PPFIBP1: variants seen among roughly 807,000 people sequenced by gnomAD.
The protein encoded by PPFIBP1 is PPFIB scaffold protein 1.
In PPFIBP1, 112 loss-of-function variants were observed where a neutral mutation model predicts 137.8. The ratio of observed to expected loss-of-function variants is 0.81; its 90% confidence interval spans 0.70 to 0.95. The LOEUF (loss-of-function observed/expected upper bound fraction) is 0.95. PPFIBP1 is among the 40% of genes least tolerant of loss of function. The pLI is 0.00. For missense variants in PPFIBP1, 1,083 were observed against 1,196.6 expected, an observed-to-expected ratio of 0.91 and a Z score of 1.40; for synonymous variants, 378 against 417.3, an observed-to-expected ratio of 0.91 and a Z score of 1.15.
At position 27,646,104 on chromosome 12, in the gene PPFIBP1, A is replaced by G; in HGVS notation, c.313A>G (p.Arg105Gly). The G allele has an allele frequency of 6.2e-7, 1 of 1,612,360 alleles. No individual in the cohort carries two copies. The highest frequency in any genetic ancestry group is 8.5e-7 in the Non-Finnish European group (1 of 1,178,752). The change falls in exon 5 of 30, where the codon AGG becomes GGG. Residue 105 changes from arginine to glycine, a missense_variant. Arg to Gly is a moderately radical substitution (Grantham distance 125). Transcript: ENST00000228425. ...LPGNGDVYQE[R>G]LARLENDKES... ...AGGGAACGGAGATGTGTATCAAGAA[A>G]GGCTGGCACGTTTAGAAAATGATAA...
At chr12:27,673,318 A>G (rs2140218901) in intron 15 of PPFIBP1, among the ~76,000 whole-genome samples, 1 of 152,354 alleles carries the variant, frequency 6.6e-6, no homozygotes, top group East Asian at 1.9e-4. Flanking sequence ...CTATAAAATG[A>G]ATTGCTTTGC....
At chr12:27,597,570 T>TA (rs2053465125) in intron 2 of PPFIBP1, among the ~76,000 whole-genome samples, 1 of 152,176 alleles carries the variant, frequency 6.6e-6, no homozygotes, top group Non-Finnish European at 1.5e-5. Context: ...TCTGGGGGCC[T>TA]AAAAAACAAT....
In PPFIBP1 at chr12:27,681,565, G is replaced by T. The variant is rs773404068; in HGVS notation, c.1915G>T (p.Ala639Ser). ...QSNSDLDMPF[A>S]KWTKEQVCNW... The stretch of plus-strand genomic sequence containing the variant: ...CTGTAGTGACTTGGATATGCCATTT[G>T]CCAAGTGGACCAAGGAGCAGGTTTG... Residue 639 changes from alanine to serine, a missense_variant, in exon 22 of 30, where the codon GCC (alanine) becomes TCC (serine). By Grantham distance (99) the Ala-to-Ser change is moderately conservative (BLOSUM62 1). Coordinates refer to ENST00000228425, the MANE Select transcript of PPFIBP1 (RefSeq NM_003622.4). 1 of 1,614,046 alleles carries T rather than the reference G, an allele frequency of 6.2e-7. No individual in the cohort carries two copies.
In PPFIBP1 at chr12:27,676,374, G is replaced by A. The variant is rs1023650746; in HGVS notation, c.1411-54G>A. ...TGAGTATTTGCTGTTAGCCTGGCAT[G>A]TGCTGAGGATGCTGCACCTGAGAGC... On this transcript the variant is annotated intron_variant, in intron 17 of 29. Transcript: ENST00000228425. The A allele has an allele frequency of 4.4e-6, 6 of 1,354,080 alleles. No homozygotes were observed. The Admixed American group carries it at 1.1e-4, about 25-fold the overall frequency. The allele number at this position is 1,354,080 out of a possible 1,614,324, so 83.9% of individuals were successfully genotyped here.
intron 7 of PPFIBP1, chr12:27,654,273 A>T (rs1418140362): frequency 1.3e-5 from 2 of 152,280 alleles, no homozygotes; most frequent in South Asian, 2.1e-4. Context: ...GAAATTACAA[A>T]TTTTTTAAAA....
chr12:27,633,247 A>G, intron 2 of PPFIBP1, 115 bp from the exon 3 acceptor site: 2 of 684,600 alleles, frequency 2.9e-6, no homozygotes, highest in Non-Finnish European at 5.0e-6. Flanking sequence ...CCACTACTGA[A>G]GTTCTTCTTC....
chr12:27,593,660 A>G (rs2052811891), intron 2 of PPFIBP1: 1 of 534,412 alleles, frequency 1.9e-6, no homozygotes, highest in South Asian at 2.3e-5. Flanking sequence ...GTTTGCTGAC[A>G]GATAGTTTTG....
chr12:27,619,599 G>C (rs1206998459), intron 2 of PPFIBP1, among the ~76,000 whole-genome samples: 3 of 152,192 alleles, frequency 2.0e-5, no homozygotes, highest in African/African-American at 4.8e-5. Context: ...TGGGCAGTTA[G>C]TTGCCTCAGT....
intron 3 of PPFIBP1, among the ~76,000 whole-genome samples, chr12:27,634,338 G>A (rs60302028): frequency 0.049 from 7,487 of 152,020 alleles, 572 homozygotes; most frequent in Admixed American, 0.19. Flanking sequence ...GTTCGCATGT[G>A]TTTACCTTCC....
chr12:27,692,743 G>T, intron 29 of PPFIBP1, 53 bp from the exon 30 acceptor site: 2 of 1,613,960 alleles, frequency 1.2e-6, no homozygotes, highest in Non-Finnish European at 1.7e-6. Flanking sequence ...TGGAGAATGT[G>T]TAGCTCTGAG....
At chr12:27,552,805 G>A (rs529627269) in intron 1 of PPFIBP1, 4 of 152,342 alleles carry the variant, frequency 2.6e-5, no homozygotes, top group African/African-American at 4.8e-5. Flanking sequence ...GGACAAGTGG[G>A]CATTTATAGC....
intron 9 of PPFIBP1, among the ~76,000 whole-genome samples, chr12:27,657,306 A>G (rs1482622259): frequency 6.6e-6 from 1 of 152,118 alleles, no homozygotes; most frequent in African/African-American, 2.4e-5. Flanking sequence ...TATATGGACC[A>G]TAATTTCTAA....
chr12:27,682,425 C>G lies in PPFIBP1; in HGVS notation c.2085C>G (p.Leu695=), dbSNP rs2060930873. ...AGCATTCACTTCATCGAAAGAAACT[C>G]CAGCTAGCACTCCAAGCCCTGGGAT... is the stretch of plus-strand genomic sequence containing the variant. ...GIKHSLHRKK[L]QLALQALGSE... is the part of the protein sequence containing the mutation. The change falls in exon 23 of 30, where the codon CTC becomes CTG. Residue 695 remains leucine, a synonymous_variant. Transcript: ENST00000228425. 1.2e-6 allele frequency: 2 copies of G among 1,613,846 alleles called. No homozygotes were observed. Among genetic ancestry groups the G allele is most frequent in the Admixed American group, 3.3e-5 (2 of 60,002 alleles).
Position 27,694,986 on chromosome 12 carries a change from C to T in PPFIBP1, c.*2104C>T, listed in dbSNP as rs1297016089. The T allele has an allele frequency of 6.6e-6, 1 of 152,116 alleles. No homozygotes were observed. The highest frequency in any genetic ancestry group is 2.4e-5 in the African/African-American group (1 of 41,396). The allele number at this position is 152,116 out of a possible 1,614,324, so 9.4% of individuals were successfully genotyped here. On this transcript the variant is annotated 3_prime_UTR_variant, in exon 30 of 30. Coordinates refer to ENST00000228425, the MANE Select transcript of PPFIBP1 (RefSeq NM_003622.4). Reference sequence around the variant, plus strand: ...AATAATAATTTTCTTTAAACTCTACCATTCATTATGTGGTAACTGTATTGA... The same window carrying T: ...AATAATAATTTTCTTTAAACTCTACTATTCATTATGTGGTAACTGTATTGA...
At chr12:27,533,529 T>C (rs1944632601) in intron 1 of PPFIBP1, among the ~76,000 whole-genome samples, 1 of 152,226 alleles carries the variant, frequency 6.6e-6, no homozygotes, top group East Asian at 1.9e-4. Flanking sequence ...AGGGCCAGTA[T>C]CTTCAGCCTC....
intron 1 of PPFIBP1, chr12:27,547,273 G>T (rs189696783): frequency 1.3e-5 from 2 of 152,128 alleles, no homozygotes; most frequent in Non-Finnish European, 2.9e-5. Flanking sequence ...AGGTCTCGCC[G>T]CCTTTACTTG....
intron 24 of PPFIBP1, among the ~76,000 whole-genome samples, chr12:27,686,962 CAG>C (rs1401913196): frequency 3.9e-5 from 6 of 151,964 alleles, no homozygotes; most frequent in African/African-American, 1.2e-4. Context: ...TGAAAGGAAA[CAG>C]AGAGGGCAGT....
At chr12:27,606,749 G>A (rs923438229) in intron 2 of PPFIBP1, among the ~76,000 whole-genome samples, 7 of 152,168 alleles carry the variant, frequency 4.6e-5, no homozygotes, top group African/African-American at 1.4e-4. Flanking sequence ...AGTACAAAAT[G>A]TGATATAGTT....
rs200249833 is a variant in PPFIBP1, at chr12:27,693,997, G to GT, written c.*1124dup. 439 of 150,170 alleles carry GT rather than the reference G, an allele frequency of 2.9e-3. 3 individuals are homozygous for GT. Among genetic ancestry groups the GT allele is most frequent in the African/African-American group, 0.01 (415 of 41,018 alleles). 9.3% of individuals were successfully genotyped at this position (150,170 alleles called of 1,614,324 possible). ...AGCCTGTTATTTTTTTATTATTATT[G>GT]TTTTTTTTTAGTGACAGAGTCTCAT... On this transcript the variant is annotated 3_prime_UTR_variant, in exon 30 of 30. Coordinates refer to ENST00000228425, the MANE Select transcript of PPFIBP1 (RefSeq NM_003622.4).
Sources: allele counts gnomAD v4.1 joint callset (sites outside exome capture counted in the v4.1 genomes callset), GRCh38; gene constraint gnomAD v4.1.1; transcripts MANE v1.5; gene names NCBI Gene and HGNC (gene_info 2026-07-23, HGNC 2026-07-21).